Variants in SPAG16 observed in about 807,000 individuals in gnomAD.
SPAG16 encodes sperm-associated antigen 16 protein.
A neutral mutation model predicts 80.4 loss-of-function variants in SPAG16; 86 were observed. The observed-to-expected ratio is 1.07, with a 90% CI of 0.90 to 1.28. The LOEUF (loss-of-function observed/expected upper bound fraction) is 1.28. SPAG16 is among the 50% of genes most tolerant of loss of function. The pLI is 0.00. For missense variants in SPAG16, 870 were observed against 765.3 expected (o/e 1.14, Z -1.61); for synonymous variants, 294 against 265.9 (o/e 1.11, Z -1.03).
intron 10 of SPAG16, among the ~76,000 whole-genome samples, chr2:213,835,512 T>C (rs1386861556): frequency 6.6e-6 from 1 of 152,186 alleles, no homozygotes; most frequent in Admixed American, 6.5e-5. Context: ...GTCACATTTC[T>C]CTAGAATCCA....
At chr2:213,881,944 A>G (rs984899415) in intron 11 of SPAG16, among the ~76,000 whole-genome samples, 3 of 152,062 alleles carry the variant, frequency 2.0e-5, no homozygotes, top group Non-Finnish European at 4.4e-5. Context: ...TTTTTTGTCT[A>G]TTCAGTATGA....
At chr2:213,977,940 G>A (rs1001371920) in intron 12 of SPAG16, among the ~76,000 whole-genome samples, 1 of 151,730 alleles carries the variant, frequency 6.6e-6, no homozygotes, top group Non-Finnish European at 1.5e-5. Flanking sequence ...CACTGAGATG[G>A]CTGAGATACT....
intron 1 of SPAG16, among the ~76,000 whole-genome samples, chr2:213,291,680 T>C (rs180838122): frequency 3.9e-4 from 59 of 152,332 alleles, no homozygotes; most frequent in African/African-American, 1.3e-3. Context: ...TTACCTAGGA[T>C]ATTGGTAAAA....
rs550171859 is a variant in SPAG16, at chr2:213,623,902, A to C, written c.1070+133812A>C. Among the ~76,000 whole-genome samples, 9 of 152,222 alleles carry C rather than the reference A, an allele frequency of 5.9e-5. No homozygotes were observed. In the East Asian group the frequency reaches 1.5e-3, roughly 26 times the overall value. On this transcript the variant is annotated intron_variant, in intron 10 of 15. Transcript: ENST00000331683. The stretch of plus-strand genomic sequence containing the variant: ...GGTGAATTTTAGACATTATCAATTT[A>C]TCTATTAGAAAATTATATGATGCTA...
chr2:214,376,814 T>C (rs1265440747), intron 15 of SPAG16, among the ~76,000 whole-genome samples: 1 of 152,230 alleles, frequency 6.6e-6, no homozygotes, highest in Non-Finnish European at 1.5e-5. Flanking sequence ...TCTGTAAATG[T>C]TGAGTAAATC....
chr2:213,316,019 T>G (rs966906860), intron 4 of SPAG16, among the ~76,000 whole-genome samples: 15 of 152,024 alleles, frequency 9.9e-5, no homozygotes, highest in Non-Finnish European at 4.4e-5. Context: ...TCTCATGACT[T>G]TAAATAGTAT....
At chr2:213,731,260 G>T (rs555047803) in intron 10 of SPAG16, among the ~76,000 whole-genome samples, 1 of 146,832 alleles carries the variant, frequency 6.8e-6, no homozygotes, top group African/African-American at 2.5e-5. Flanking sequence ...AGGTCCAAGT[G>T]ATTCTCCTGC....
intron 6 of SPAG16, among the ~76,000 whole-genome samples, chr2:213,341,084 C>T (rs996859905): frequency 1.3e-5 from 2 of 152,112 alleles, no homozygotes; most frequent in Non-Finnish European, 2.9e-5. Flanking sequence ...TTCATTATTT[C>T]AGGCACCCTG....
At position 213,510,229 on chromosome 2, in the gene SPAG16, G is replaced by A. The variant is rs550927495; in HGVS notation, c.1070+20139G>A. On this transcript the variant is annotated intron_variant, in intron 10 of 15. Transcript: ENST00000331683. ...GGAGATATTGGGTCCATCCATAATAGGACAAAGTTTCTAGTGTAGTTTATG... is the reference window on the plus strand; with the variant it reads ...GGAGATATTGGGTCCATCCATAATAAGACAAAGTTTCTAGTGTAGTTTATG... 8.6e-4 allele frequency among the ~76,000 whole-genome samples: 131 copies of A among 152,186 alleles called. 1 individual carries two copies. Among genetic ancestry groups the A allele is most frequent in the Admixed American group, 1.4e-3 (22 of 15,274 alleles).
At chr2:213,514,401 T>A (rs914392307) in intron 10 of SPAG16, among the ~76,000 whole-genome samples, 2 of 152,148 alleles carry the variant, frequency 1.3e-5, no homozygotes, top group Non-Finnish European at 2.9e-5. Context: ...TAATTAGAGT[T>A]TACATCATTT....
intron 15 of SPAG16, among the ~76,000 whole-genome samples, chr2:214,171,335 G>A (rs1184342758): frequency 2.0e-5 from 3 of 151,884 alleles, no homozygotes; most frequent in East Asian, 1.9e-4. Context: ...TGCTTAGACT[G>A]TCAAAGCTCT....
intron 9 of SPAG16, among the ~76,000 whole-genome samples, chr2:213,461,890 A>ATGTGTATGTG (rs1480902588): frequency 6.6e-6 from 1 of 151,974 alleles, no homozygotes; most frequent in African/African-American, 2.4e-5. Context: ...ACATGGATGT[A>ATGTGTATGTG]TGTGTATGTG....
In SPAG16 at chr2:214,177,923, A is replaced by ATATATG. The variant is rs1354761303; in HGVS notation, c.1720+28662_1720+28663insGTATAT. ...TACATATATATATATATACATATAT[A>ATATATG]TATATATATATGGCCAGAATTGTTA... On this transcript the variant is annotated intron_variant, in intron 15 of 15. Coordinates refer to ENST00000331683, the MANE Select transcript of SPAG16 (RefSeq NM_024532.5). Among the ~76,000 whole-genome samples, 843 of 133,136 alleles carry ATATATG rather than the reference A, an allele frequency of 6.3e-3. 43 individuals carry two copies. The highest frequency in any genetic ancestry group is 0.023 in the African/African-American group (794 of 35,190). The allele number at this position is 133,136 out of a possible 152,430, so 87.3% of individuals were successfully genotyped here.
chr2:214,174,524 G>T (rs1168498687), intron 15 of SPAG16, among the ~76,000 whole-genome samples: 1 of 151,828 alleles, frequency 6.6e-6, no homozygotes. Flanking sequence ...AACTTACAAG[G>T]GACGTGAAGA....
intron 15 of SPAG16, among the ~76,000 whole-genome samples, chr2:214,242,981 G>T (rs1339571972): frequency 6.6e-6 from 1 of 152,022 alleles, no homozygotes; most frequent in East Asian, 1.9e-4. Flanking sequence ...TAGGACTTGG[G>T]AAAATCAATA....
chr2:213,751,792 A>G (rs939598343), intron 10 of SPAG16, among the ~76,000 whole-genome samples: 5 of 152,176 alleles, frequency 3.3e-5, no homozygotes, highest in African/African-American at 9.7e-5. Flanking sequence ...ACCTGGTCAC[A>G]GTGAGATACT....
chr2:214,340,653 G>A (rs1309569550), intron 15 of SPAG16, among the ~76,000 whole-genome samples: 2 of 152,158 alleles, frequency 1.3e-5, no homozygotes, highest in African/African-American at 4.8e-5. Flanking sequence ...AGCAGCTTCA[G>A]ATAACACATA....
chr2:213,723,864 A>G (rs1349412444), intron 10 of SPAG16, among the ~76,000 whole-genome samples: 5 of 152,234 alleles, frequency 3.3e-5, no homozygotes, highest in South Asian at 2.1e-4. Context: ...ATAGATAAGA[A>G]TGGTCTTCCC....
At chr2:213,306,873 C>T (rs2062962344) in intron 3 of SPAG16, among the ~76,000 whole-genome samples, 1 of 152,190 alleles carries the variant, frequency 6.6e-6, no homozygotes, top group Non-Finnish European at 1.5e-5. Context: ...TTTCTGCCTT[C>T]TTCAGTGCCT....
Sources: gnomAD v4.1 joint callset for allele counts (sites outside exome capture counted in the v4.1 genomes callset) on GRCh38, gnomAD v4.1.1 for gene constraint, MANE v1.5 for transcripts, NCBI Gene and HGNC (gene_info 2026-07-23, HGNC 2026-07-21) for gene names.